Variants in ENTREP2 observed in about 807,000 individuals in gnomAD.
ENTREP2 encodes endosomal transmembrane epsin interactor 2, also known as protein ENTREP2.
the ENTREP2 span, among the ~76,000 whole-genome samples, chr15:29,553,311 C>CA: frequency 1.3e-5 from 2 of 151,798 alleles, no homozygotes; most frequent in East Asian, 1.9e-4. Flanking sequence ...AAAACAAAAA[C>CA]AAAAAAACCT....
At chr15:29,656,203 C>T in the ENTREP2 span, among the ~76,000 whole-genome samples, 1 of 151,592 alleles carries the variant, frequency 6.6e-6, no homozygotes, top group Non-Finnish European at 1.5e-5. Context: ...AAAATCTGTG[C>T]TATCAATATA....
chr15:29,268,566 A>G, the ENTREP2 span: 1 of 461,518 alleles, frequency 2.2e-6, no homozygotes, highest in Admixed American at 3.8e-5. Flanking sequence ...TTTTATACCA[A>G]AAAGAGTAAA....
At chr15:29,210,995 A>C in the ENTREP2 span, among the ~76,000 whole-genome samples, 36 of 152,306 alleles carry the variant, frequency 2.4e-4, 1 homozygote, top group Middle Eastern at 3.4e-3. Flanking sequence ...AATGCAATCC[A>C]TGGGTATGAA....
At chr15:29,638,575 G>A in the ENTREP2 span, among the ~76,000 whole-genome samples, 1 of 152,136 alleles carries the variant, frequency 6.6e-6, no homozygotes, top group Non-Finnish European at 1.5e-5. Flanking sequence ...GGATTTCTGT[G>A]CAATTAATAA....
the ENTREP2 span, among the ~76,000 whole-genome samples, chr15:29,271,824 T>A: frequency 6.6e-6 from 1 of 152,150 alleles, no homozygotes; most frequent in African/African-American, 2.4e-5. Context: ...CTTGTGCAAC[T>A]CGGTGTCTGA....
the ENTREP2 span, among the ~76,000 whole-genome samples, chr15:29,399,293 C>A: frequency 2.6e-5 from 4 of 152,196 alleles, no homozygotes; most frequent in African/African-American, 4.8e-5. Flanking sequence ...GAGTCCCAAC[C>A]CTTAGAAACT....
chr15:29,666,029 G>A, the ENTREP2 span, among the ~76,000 whole-genome samples: 2 of 151,658 alleles, frequency 1.3e-5, no homozygotes, highest in Admixed American at 1.3e-4. Context: ...AATTTTTTGT[G>A]TATTTTTAGT....
At chr15:29,529,441 G>A in the ENTREP2 span, among the ~76,000 whole-genome samples, 5 of 151,956 alleles carry the variant, frequency 3.3e-5, no homozygotes, top group African/African-American at 1.2e-4. Context: ...GGGCTGGAGG[G>A]GCTGTCATGA....
At chr15:29,374,608 T>G in the ENTREP2 span, 1 of 152,132 alleles carries the variant, frequency 6.6e-6, no homozygotes, top group African/African-American at 2.4e-5. Context: ...GCTTCTTGAA[T>G]CTGTGGGTTT....
the ENTREP2 span, among the ~76,000 whole-genome samples, chr15:29,539,426 T>G: frequency 5.3e-5 from 8 of 152,070 alleles, no homozygotes; most frequent in African/African-American, 1.9e-4. Flanking sequence ...GCTGAAAGTT[T>G]CAGAATCTGG....
chr15:29,474,842 C>A, the ENTREP2 span, among the ~76,000 whole-genome samples: 1 of 152,120 alleles, frequency 6.6e-6, no homozygotes, highest in Non-Finnish European at 1.5e-5. Flanking sequence ...CAGGCGTGAG[C>A]CACCGCACCC....
the ENTREP2 span, among the ~76,000 whole-genome samples, chr15:29,674,019 C>T: frequency 6.6e-6 from 1 of 151,514 alleles, no homozygotes; most frequent in Non-Finnish European, 1.5e-5. Flanking sequence ...GTCCCCCTTC[C>T]CCATTTCTCT....
At chr15:29,158,437 A>C in the ENTREP2 span, among the ~76,000 whole-genome samples, 2 of 125,578 alleles carry the variant, frequency 1.6e-5, no homozygotes, top group Admixed American at 9.1e-5. Flanking sequence ...ATGTAGTCTC[A>C]CTCTTTCGCC....
At chr15:29,639,768 C>CT in the ENTREP2 span, among the ~76,000 whole-genome samples, 355 of 127,236 alleles carry the variant, frequency 2.8e-3, no homozygotes, top group African/African-American at 3.8e-3. Context: ...TTTTTGTTTG[C>CT]TTTTTTTTTT....
chr15:29,534,106 CAAAAAAAAAAAAAAAAA>C, the ENTREP2 span, among the ~76,000 whole-genome samples: 789 of 45,020 alleles, frequency 0.018, 25 homozygotes, highest in African/African-American at 0.06. Flanking sequence ...GCCCCTTGGC[CAAAAAAAAAAAAAAAAA>C]AAAAAAAAAA....
chr15:29,248,206 G>A, the ENTREP2 span, among the ~76,000 whole-genome samples: 2 of 152,092 alleles, frequency 1.3e-5, 1 homozygote, highest in Admixed American at 1.3e-4. Flanking sequence ...TCAATTCATC[G>A]AGTAGACTGT....
At chr15:29,591,263 A>T in the ENTREP2 span, among the ~76,000 whole-genome samples, 8 of 152,344 alleles carry the variant, frequency 5.3e-5, no homozygotes, top group African/African-American at 1.9e-4. Context: ...ACTCAATTTT[A>T]GAAGATTATT....
At chr15:29,315,902 T>C in the ENTREP2 span, among the ~76,000 whole-genome samples, 2 of 147,506 alleles carry the variant, frequency 1.4e-5, no homozygotes, top group African/African-American at 2.5e-5. Flanking sequence ...ATGTGCAAGG[T>C]AGGCACACGT....
chr15:29,233,363 T>C, the ENTREP2 span, among the ~76,000 whole-genome samples: 2 of 152,214 alleles, frequency 1.3e-5, no homozygotes, highest in South Asian at 4.1e-4. Context: ...AACAAGGTAG[T>C]GTTAACCTCA....
Sources: gnomAD v4.1 joint callset for allele counts (sites outside exome capture counted in the v4.1 genomes callset) on GRCh38, gnomAD v4.1.1 for gene constraint, MANE v1.5 for transcripts, NCBI Gene and HGNC (gene_info 2026-07-23, HGNC 2026-07-21) for gene names.